ME3: variants seen among roughly 807,000 people sequenced by gnomAD.
ME3 encodes NADP-dependent malic enzyme, mitochondrial.
ME3 carries 48 observed loss-of-function variants against 68.9 expected under a neutral mutation model. The observed-to-expected ratio is 0.70, with a 90% CI of 0.55 to 0.89. The LOEUF is 0.89. Among genes scored for constraint, ME3 ranks in the 40% least tolerant of loss-of-function variants. The pLI is 0.00. For synonymous variants in ME3, 320 were observed against 318.8 expected, an observed-to-expected ratio of 1.00 and a Z score of -0.04; for missense variants, 675 against 797.4, an observed-to-expected ratio of 0.85 and a Z score of 1.85.
chr11:86,606,624 A>C (rs7940590), intron 2 of ME3, among the ~76,000 whole-genome samples: 26,806 of 152,018 alleles, frequency 0.18, 2,717 homozygotes, highest in East Asian at 0.39. Context: ...GCTGATCAGG[A>C]CTCATGTTCT....
rs1406717185 is a variant in ME3 at position 86,600,544 on chromosome 11, G to A, written c.184-40721C>T. Among the ~76,000 whole-genome samples, 7 of 147,936 alleles carry A rather than the reference G, an allele frequency of 4.7e-5. No individual in the cohort carries two copies. In the Admixed American group the frequency reaches 4.9e-4, roughly 10 times the overall value. On this transcript the variant is annotated intron_variant, in intron 2 of 14. Transcript: ENST00000543262. ...CACTGTCAACATTAGACAGATGAAC[G>A]AGACAGAAAGTTAACAAGGATACCC... is the stretch of plus-strand genomic sequence containing the variant.
intron 2 of ME3, among the ~76,000 whole-genome samples, chr11:86,661,831 AGTATT>A (rs57724567): frequency 0.11 from 16,271 of 149,912 alleles, 1,018 homozygotes; most frequent in African/African-American, 0.16. Context: ...TTCAAGGCAG[AGTATT>A]GTATTGTATT....
intron 7 of ME3, among the ~76,000 whole-genome samples, chr11:86,469,470 C>T (rs1950666764): frequency 6.6e-6 from 1 of 152,192 alleles, no homozygotes; most frequent in Non-Finnish European, 1.5e-5. Context: ...AGGACCCCTC[C>T]CAAGAAGCCG....
At chr11:86,616,549 C>G (rs1393203269) in intron 2 of ME3, among the ~76,000 whole-genome samples, 1 of 152,120 alleles carries the variant, frequency 6.6e-6, no homozygotes, top group Non-Finnish European at 1.5e-5. Flanking sequence ...ACTAACAGTA[C>G]AAGCACATCT....
At chr11:86,495,881 C>T (rs150101841) in intron 6 of ME3, among the ~76,000 whole-genome samples, 2 of 152,272 alleles carry the variant, frequency 1.3e-5, no homozygotes, top group African/African-American at 4.8e-5. Flanking sequence ...TTACCTGGCT[C>T]ATCATGGTAC....
At chr11:86,601,852 C>T (rs1282059331) in intron 2 of ME3, among the ~76,000 whole-genome samples, 1 of 150,766 alleles carries the variant, frequency 6.6e-6, no homozygotes, top group African/African-American at 2.4e-5. Flanking sequence ...AAGACAAAAA[C>T]CACATGATTA....
intron 2 of ME3, among the ~76,000 whole-genome samples, chr11:86,650,564 C>A (rs1432913193): frequency 1.3e-5 from 2 of 152,138 alleles, no homozygotes; most frequent in African/African-American, 4.8e-5. Context: ...ATCCATCTGA[C>A]AAAGGGCTAA....
intron 6 of ME3, among the ~76,000 whole-genome samples, chr11:86,492,159 T>C (rs596056): frequency 0.85 from 128,995 of 152,244 alleles, 54,847 homozygotes; most frequent in Non-Finnish European, 0.88. Flanking sequence ...TTTAACTTTT[T>C]TCTGCTCTCT....
chr11:86,470,523 GA>G (rs1446213761), intron 7 of ME3, among the ~76,000 whole-genome samples: 1 of 152,154 alleles, frequency 6.6e-6, no homozygotes. Context: ...AGTAAATTTG[GA>G]AAACTCTGTG....
At chr11:86,526,158 T>A (rs1203759031) in intron 4 of ME3, among the ~76,000 whole-genome samples, 1 of 152,160 alleles carries the variant, frequency 6.6e-6, no homozygotes. Context: ...GAAAATCGGG[T>A]CACTCCCACC....
At chr11:86,503,576 C>G (rs544547469) in intron 5 of ME3, among the ~76,000 whole-genome samples, 1 of 152,360 alleles carries the variant, frequency 6.6e-6, no homozygotes, top group Admixed American at 6.5e-5. Flanking sequence ...TTCCTTGCCA[C>G]AAGTGTTGAC....
intron 2 of ME3, among the ~76,000 whole-genome samples, chr11:86,637,977 C>T (rs1019478311): frequency 6.6e-6 from 1 of 150,738 alleles, no homozygotes; most frequent in Non-Finnish European, 1.5e-5. Context: ...TACACACACA[C>T]ACACACACAC....
intron 2 of ME3, among the ~76,000 whole-genome samples, chr11:86,621,317 T>A (rs1159611927): frequency 2.6e-5 from 4 of 152,192 alleles, no homozygotes; most frequent in African/African-American, 9.7e-5. Flanking sequence ...TTTATTGGCA[T>A]AGAATTCATG....
chr11:86,636,270 TTTTTG>T (rs1944328804), intron 2 of ME3, among the ~76,000 whole-genome samples: 1 of 151,072 alleles, frequency 6.6e-6, no homozygotes, highest in Admixed American at 6.6e-5. Flanking sequence ...TTTCTTTTTT[TTTTTG>T]TTTGTTTGTT....
intron 4 of ME3, among the ~76,000 whole-genome samples, chr11:86,510,954 A>G (rs1017846369): frequency 6.6e-6 from 1 of 152,192 alleles, no homozygotes; most frequent in Non-Finnish European, 1.5e-5. Flanking sequence ...TTCTCAGTGA[A>G]TATTTCCCCG....
At chr11:86,485,767 G>A (rs925367362) in intron 7 of ME3, among the ~76,000 whole-genome samples, 6 of 151,956 alleles carry the variant, frequency 3.9e-5, no homozygotes, top group East Asian at 3.9e-4. Flanking sequence ...GCTCTTTCCC[G>A]TTTTCTCTTG....
intron 2 of ME3, among the ~76,000 whole-genome samples, chr11:86,573,444 T>A (rs550283104): frequency 0.012 from 1,695 of 141,682 alleles, 13 homozygotes; most frequent in Middle Eastern, 0.022. Context: ...TTTTTTTTGG[T>A]ATATATGAAT....
intron 9 of ME3, 55 bp from the exon 10 acceptor site, chr11:86,450,057 TTTATCTG>T: frequency 1.5e-6 from 2 of 1,370,016 alleles, no homozygotes; most frequent in Non-Finnish European, 2.1e-6. Context: ...CTGCTGAACA[TTTATCTG>T]ATGTCTTGCC....
chr11:86,450,105 A>C (rs4944581), intron 9 of ME3, 103 bp from the exon 10 acceptor site: 792,873 of 1,024,496 alleles, frequency 0.77, 307,789 homozygotes, highest in South Asian at 0.86. Context: ...CCCCCACCTC[A>C]ATGACTCCCA....
Sources: allele counts gnomAD v4.1 joint callset (sites outside exome capture counted in the v4.1 genomes callset), GRCh38; gene constraint gnomAD v4.1.1; transcripts MANE v1.5; gene names NCBI Gene and HGNC (gene_info 2026-07-23, HGNC 2026-07-21).